The following FBXO32 variants were observed in gnomAD, a reference collection of about 807,000 sequenced individuals.
The protein encoded by FBXO32 is F-box only protein 32.
FBXO32 carries 15 observed loss-of-function variants against 48.3 expected under a neutral mutation model. That is an observed-to-expected ratio of 0.31 (90% confidence interval 0.21 to 0.48). FBXO32 has a LOEUF of 0.48. FBXO32 is among the 20% of genes least tolerant of loss of function. FBXO32 has a pLI of 0.99. For missense variants in FBXO32, 309 were observed against 432.7 expected, an observed-to-expected ratio of 0.71 and a Z score of 2.54; for synonymous variants, 154 against 165.9, an observed-to-expected ratio of 0.93 and a Z score of 0.55.
chr8:123,500,763 C>G lies in FBXO32; in HGVS notation c.*2610G>C, dbSNP rs1477507456. The G allele has an allele frequency of 6.6e-6, 1 of 152,168 alleles. No individual in the cohort carries two copies. The highest frequency in any genetic ancestry group is 1.5e-5 in the Non-Finnish European group (1 of 68,040). The allele number at this position is 152,168 out of a possible 1,614,324, so 9.4% of individuals were successfully genotyped here. A position where few individuals can be genotyped will look rare whatever the true frequency, so the allele number is the denominator to read the frequency against. ...TCCCTCTCTACCTGCCATTTCTTTC[C>G]TTATTCTCCTCTTCCAATGAAAGAG... On this transcript the variant is annotated 3_prime_UTR_variant, in exon 9 of 9. Transcript: ENST00000517956.
rs1365527809 is a variant in FBXO32 at position 123,506,724 on chromosome 8, A to T, written c.652-150T>A. The T allele has an allele frequency of 4.7e-6, 3 of 645,090 alleles. No homozygotes were observed. In the African/African-American group the frequency reaches 5.5e-5, roughly 12 times the overall value. 40.0% of individuals were successfully genotyped at this position (645,090 alleles called of 1,614,324 possible). On this transcript the variant is annotated intron_variant, in intron 6 of 8. Coordinates refer to ENST00000517956, the MANE Select transcript of FBXO32 (RefSeq NM_058229.4). The surrounding 1 kb of genome is among the most constrained non-coding windows in gnomAD (Gnocchi z 4.0). ...AAGCAGTAGTAAATCTCCCCATCCT[A>T]AATGCAGACAGGAGACCATGGCCAT...
Position 123,503,321 on chromosome 8 carries a change from A to G in FBXO32, c.*52T>C. ...TGAAGTGTCCAAATGCCATATTCCC[A>G]GCTCTCCAGTCAGCAGGGGGACCCT... On this transcript the variant is annotated 3_prime_UTR_variant, in exon 9 of 9. Coordinates refer to ENST00000517956, the MANE Select transcript of FBXO32 (RefSeq NM_058229.4). The G allele has an allele frequency of 1.4e-6, 2 of 1,448,672 alleles. No individual in the cohort carries two copies. Among genetic ancestry groups the G allele is most frequent in the Non-Finnish European group, 1.9e-6 (2 of 1,031,180 alleles). The allele number at this position is 1,448,672 out of a possible 1,614,324, so 89.7% of individuals were successfully genotyped here.
chr8:123,516,070 C>A (rs919107603), intron 4 of FBXO32, among the ~76,000 whole-genome samples: 2 of 152,202 alleles, frequency 1.3e-5, no homozygotes, highest in Non-Finnish European at 2.9e-5. Flanking sequence ...AAGAGACCAT[C>A]TAGTTTAATC....
At chr8:123,532,060 G>C in intron 3 of FBXO32, 70 bp from the exon 4 acceptor site, 1 of 1,596,612 alleles carries the variant, frequency 6.3e-7, no homozygotes, top group Non-Finnish European at 8.5e-7. Context: ...GAATGAGCCA[G>C]TTAGAACAAC....
chr8:123,527,799 T>C (rs1043047958), intron 4 of FBXO32, among the ~76,000 whole-genome samples: 7 of 152,198 alleles, frequency 4.6e-5, no homozygotes, highest in African/African-American at 1.7e-4. Flanking sequence ...TCAATACAGG[T>C]ATGGTTATCC....
At chr8:123,528,993 T>A (rs1305163638) in intron 4 of FBXO32, among the ~76,000 whole-genome samples, 3 of 152,206 alleles carry the variant, frequency 2.0e-5, no homozygotes, top group African/African-American at 7.2e-5. Context: ...AGGATAAGAA[T>A]GTATGAGAAG....
chr8:123,499,720 A>G lies in FBXO32; in HGVS notation c.*3653T>C, dbSNP rs1239822439. The G allele has an allele frequency of 6.6e-6, 1 of 152,208 alleles. No individual in the cohort carries two copies. Among genetic ancestry groups the G allele is most frequent in the Admixed American group, 6.5e-5 (1 of 15,278 alleles). 9.4% of individuals were successfully genotyped at this position (152,208 alleles called of 1,614,324 possible). A position where few individuals can be genotyped will look rare whatever the true frequency, so the allele number is the denominator to read the frequency against. ...GGTTTGCCTTCTTGTAAATCATACC[A>G]ATTGTTTAGACAATTGAAATTCCAA... is the stretch of plus-strand genomic sequence containing the variant. On this transcript the variant is annotated 3_prime_UTR_variant, in exon 9 of 9. Coordinates refer to ENST00000517956, the MANE Select transcript of FBXO32 (RefSeq NM_058229.4).
intron 4 of FBXO32, among the ~76,000 whole-genome samples, chr8:123,524,667 T>C (rs1411662800): frequency 6.6e-6 from 1 of 152,148 alleles, no homozygotes; most frequent in Non-Finnish European, 1.5e-5. Context: ...TATAGCAGTG[T>C]GCCATCAACC....
chr8:123,510,698 G>A (rs1242955171), intron 6 of FBXO32, among the ~76,000 whole-genome samples: 3 of 152,154 alleles, frequency 2.0e-5, no homozygotes, highest in African/African-American at 4.8e-5. Flanking sequence ...AACACTGAAC[G>A]AGTACTCAGG....
At chr8:123,517,572 G>C (rs1816865654) in intron 4 of FBXO32, among the ~76,000 whole-genome samples, 1 of 150,554 alleles carries the variant, frequency 6.6e-6, no homozygotes, top group Admixed American at 6.6e-5. Flanking sequence ...GGTGACCTTT[G>C]TAACTGTCAT....
rs778968335 is a variant in FBXO32, at chr8:123,503,461, C to T, written c.980G>A (p.Gly327Asp). ...ATTGGCAGTGCACGGATGGTCAGTG[C>T]CCTGGAAAGGAACACATGGTTAGCT... ...CKHCHILSWK[G>D]TDHPCTANNP... The change falls in exon 9 of 9, where the codon GGC (glycine) becomes GAC (aspartate). Residue 327 changes from glycine (G) to aspartate (D), a missense_variant and splice_region_variant. Transcript: ENST00000517956. 1.2e-6 allele frequency: 2 copies of T among 1,613,646 alleles called. No individual in the cohort carries two copies. Among genetic ancestry groups the T allele is most frequent in the East Asian group, 2.2e-5 (1 of 44,870 alleles).
rs774393385 is a variant in FBXO32, at chr8:123,506,495, C to T, written c.731G>A (p.Arg244Gln). 3.0e-5 allele frequency: 49 copies of T among 1,613,838 alleles called. No individual in the cohort carries two copies. Among genetic ancestry groups the T allele is most frequent in the Middle Eastern group, 1.6e-4 (1 of 6,084 alleles). Residue 244 changes from arginine to glutamine, a missense_variant, in exon 7 of 9, where the codon CGG (arginine) becomes CAG (glutamine). Physicochemically the swap from Arg to Gln is conservative, Grantham distance 43 (BLOSUM62 1). Coordinates refer to ENST00000517956, the MANE Select transcript of FBXO32 (RefSeq NM_058229.4). The surrounding 1 kb of genome is among the most constrained non-coding windows in gnomAD (Gnocchi z 4.0). ...AGCCTGGCCCAGGCTGACCAGGTCC[C>T]GCCCGTCGCTCAGCCTCTGCATGAT... ...LNIMQRLSDG[R>Q]DLVSLGQAAP...
chr8:123,535,933 A>T (rs1487096827), intron 1 of FBXO32, among the ~76,000 whole-genome samples: 10 of 151,598 alleles, frequency 6.6e-5, no homozygotes, highest in Non-Finnish European at 1.3e-4. Context: ...TCAGATATAC[A>T]TCTGTTGGGT....
intron 4 of FBXO32, among the ~76,000 whole-genome samples, chr8:123,518,268 A>C (rs925150756): frequency 2.0e-5 from 3 of 152,228 alleles, no homozygotes; most frequent in African/African-American, 7.2e-5. Context: ...CATAGCACTC[A>C]TAACTGTGCC....
chr8:123,527,249 C>G (rs1190292179), intron 4 of FBXO32: 1 of 152,176 alleles, frequency 6.6e-6, no homozygotes, highest in Non-Finnish European at 1.5e-5. Flanking sequence ...TGGCTAGTGG[C>G]AGGGCCTGGA....
At chr8:123,534,205 TCAAA>T (rs1412490111) in intron 2 of FBXO32, among the ~76,000 whole-genome samples, 2 of 149,644 alleles carry the variant, frequency 1.3e-5, no homozygotes, top group Non-Finnish European at 3.0e-5. Context: ...TCCATGAAAA[TCAAA>T]CAGATAACAT....
chr8:123,507,568 G>A (rs1430425258), intron 6 of FBXO32, among the ~76,000 whole-genome samples: 3 of 151,958 alleles, frequency 2.0e-5, no homozygotes, highest in Non-Finnish European at 2.9e-5. Flanking sequence ...CGAGGCCTCC[G>A]TGGAGCATTG....
chr8:123,504,865 T>C, intron 7 of FBXO32, 118 bp from the exon 8 acceptor site: 1 of 928,476 alleles, frequency 1.1e-6, no homozygotes, highest in Non-Finnish European at 1.6e-6. Flanking sequence ...AGCTCTACAA[T>C]AGCCAGGAAG....
At position 123,513,889 on chromosome 8, in the gene FBXO32, C is replaced by T. The variant is rs181796249; in HGVS notation, c.466+351G>A. ...GGTTCCTTCTAGCTCGAATAGTCTA[C>T]GAATCTATTCTGACTTTGTACACAT... On this transcript the variant is annotated intron_variant, in intron 5 of 8. Coordinates refer to ENST00000517956, the MANE Select transcript of FBXO32 (RefSeq NM_058229.4). The surrounding 1 kb of genome is among the most constrained non-coding windows in gnomAD (Gnocchi z 4.3). 3.7e-4 allele frequency among the ~76,000 whole-genome samples: 57 copies of T among 152,260 alleles called. No individual in the cohort carries two copies. Among genetic ancestry groups the T allele is most frequent in the African/African-American group, 1.3e-3 (54 of 41,554 alleles).
Sources: gnomAD v4.1 joint callset for allele counts (sites outside exome capture counted in the v4.1 genomes callset) on GRCh38, gnomAD v4.1.1 for gene constraint, Gnocchi (gnomAD v3.1) non-coding constraint, MANE v1.5 for transcripts, NCBI Gene and HGNC (gene_info 2026-07-23, HGNC 2026-07-21) for gene names.